JARID2: variants seen among roughly 807,000 people sequenced by gnomAD.
The protein encoded by JARID2 is jumonji and AT-rich interaction domain containing 2.
A neutral mutation model predicts 125.6 loss-of-function variants in JARID2; 21 were observed. That is an observed-to-expected ratio of 0.17 (90% confidence interval 0.12 to 0.24). The LOEUF (loss-of-function observed/expected upper bound fraction) is 0.24. Among genes scored for constraint, JARID2 ranks in the 10% least tolerant of loss-of-function variants. The pLI, the probability that JARID2 is intolerant of heterozygous loss-of-function variation, is 1.00. For synonymous variants in JARID2, 736 were observed against 661.6 expected (o/e 1.11, Z -1.73); for missense variants, 1,303 against 1,639.6 (o/e 0.79, Z 3.55).
chr6:15,259,385 T>C (rs767576444), intron 1 of JARID2, among the ~76,000 whole-genome samples: 3 of 152,094 alleles, frequency 2.0e-5, no homozygotes, highest in Non-Finnish European at 4.4e-5. Context: ...TAATAAGGAG[T>C]CATGGTCTGG....
rs200126074 is a variant in JARID2 at position 15,478,472 on chromosome 6, C to A, written c.671-8835C>A. Among the ~76,000 whole-genome samples the A allele has an allele frequency of 3.8e-4, 58 of 151,146 alleles. No homozygotes were observed. The East Asian group carries it at 6.7e-3, about 17-fold the overall frequency. On this transcript the variant is annotated intron_variant, in intron 5 of 17. Coordinates refer to ENST00000341776, the MANE Select transcript of JARID2 (RefSeq NM_004973.4). The stretch of plus-strand genomic sequence containing the variant: ...TTTTACTTTGAAAATGACCAAGTTG[C>A]CTATAACTTGTATAGTCAATTGTGT...
At chr6:15,380,816 C>A (rs946072960) in intron 2 of JARID2, among the ~76,000 whole-genome samples, 16 of 152,136 alleles carry the variant, frequency 1.1e-4, no homozygotes, top group Non-Finnish European at 1.5e-5. Flanking sequence ...TCACACAAGT[C>A]ATAAAAACGT....
In JARID2 at chr6:15,386,486, A is replaced by ATGTT. The variant is rs142233705; in HGVS notation, c.181+12252_181+12255dup. On this transcript the variant is annotated intron_variant, in intron 2 of 17. Coordinates refer to ENST00000341776, the MANE Select transcript of JARID2 (RefSeq NM_004973.4). ...TCCTTCTCCCTTCAGTACAGTTGACATGTTTGTTTGTTTGTTTGTTTAGAG... is the reference window on the plus strand; with the variant it reads ...TCCTTCTCCCTTCAGTACAGTTGACATGTTTGTTTGTTTGTTTGTTTGTTTAGAG... Among the ~76,000 whole-genome samples the ATGTT allele has an allele frequency of 1.6e-3, 240 of 152,108 alleles. 1 individual carries two copies. Among genetic ancestry groups the ATGTT allele is most frequent in the African/African-American group, 5.2e-3 (214 of 41,494 alleles).
At chr6:15,468,851 A>C in intron 5 of JARID2, 133 bp downstream of exon 5, 1 of 789,594 alleles carries the variant, frequency 1.3e-6, no homozygotes. Context: ...CAGACACTTC[A>C]TGGGCAAAGG....
At chr6:15,465,263 G>A (rs1040398226) in intron 4 of JARID2, among the ~76,000 whole-genome samples, 14 of 152,048 alleles carry the variant, frequency 9.2e-5, no homozygotes, top group Admixed American at 3.3e-4. Context: ...GACAAGCCTC[G>A]GCAATGTAGC....
At chr6:15,448,395 CTTGT>C (rs1011078446) in intron 3 of JARID2, among the ~76,000 whole-genome samples, 2 of 152,080 alleles carry the variant, frequency 1.3e-5, no homozygotes, top group African/African-American at 4.8e-5. Context: ...TCTGTGTTTA[CTTGT>C]TTGTTTCTCA....
At chr6:15,505,139 C>T (rs1478694582) in intron 9 of JARID2, 1 of 152,750 alleles carries the variant, frequency 6.5e-6, no homozygotes, top group African/African-American at 2.4e-5. Flanking sequence ...GAGACCGGAT[C>T]TGTTTATTTA....
At chr6:15,377,909 T>C (rs1483957825) in intron 2 of JARID2, among the ~76,000 whole-genome samples, 1 of 150,398 alleles carries the variant, frequency 6.6e-6, no homozygotes, top group Non-Finnish European at 1.5e-5. Context: ...TTCTTTGAGA[T>C]GGAGTTTCCC....
At chr6:15,339,792 C>G (rs896974488) in intron 1 of JARID2, among the ~76,000 whole-genome samples, 2 of 152,110 alleles carry the variant, frequency 1.3e-5, no homozygotes, top group Admixed American at 1.3e-4. Flanking sequence ...TCGTCGGCCT[C>G]CCAAAGTGGT....
intron 1 of JARID2, among the ~76,000 whole-genome samples, chr6:15,296,335 TA>T (rs1432891543): frequency 6.6e-6 from 1 of 152,194 alleles, no homozygotes; most frequent in Non-Finnish European, 1.5e-5. Flanking sequence ...AGCAAATCAA[TA>T]TAACACGATA....
At chr6:15,256,594 ACTTCACACATCCGGGG>A (rs59287393) in intron 1 of JARID2, among the ~76,000 whole-genome samples, 40,814 of 152,006 alleles carry the variant, frequency 0.27, 5,682 homozygotes, top group South Asian at 0.46. Flanking sequence ...CCACCCATCC[ACTTCACACATCCGGGG>A]CTTCAGCTGA....
At chr6:15,289,430 G>C (rs1761122926) in intron 1 of JARID2, among the ~76,000 whole-genome samples, 1 of 152,094 alleles carries the variant, frequency 6.6e-6, no homozygotes, top group South Asian at 2.1e-4. Context: ...GACAGGTCTT[G>C]CTGTGTTGCC....
intron 1 of JARID2, among the ~76,000 whole-genome samples, chr6:15,326,114 T>C (rs1225270692): frequency 6.6e-6 from 1 of 152,150 alleles, no homozygotes; most frequent in East Asian, 1.9e-4. Flanking sequence ...GTCCTGAAAA[T>C]ATGCAGTACA....
intron 3 of JARID2, among the ~76,000 whole-genome samples, chr6:15,424,543 T>A (rs1766639620): frequency 1.3e-5 from 2 of 152,136 alleles, no homozygotes; most frequent in African/African-American, 4.8e-5. Context: ...TTTTGCAGAG[T>A]GGCTCTGTTG....
At chr6:15,314,388 A>G (rs1311355920) in intron 1 of JARID2, among the ~76,000 whole-genome samples, 1 of 152,248 alleles carries the variant, frequency 6.6e-6, no homozygotes, top group Non-Finnish European at 1.5e-5. Flanking sequence ...CTTCTTGCTT[A>G]TAAATTTACC....
chr6:15,414,152 T>TGAGA (rs1379735497), intron 3 of JARID2, among the ~76,000 whole-genome samples: 1 of 152,150 alleles, frequency 6.6e-6, no homozygotes, highest in Admixed American at 6.5e-5. Context: ...CTGAGAGGGA[T>TGAGA]TGTATGTGCT....
intron 1 of JARID2, among the ~76,000 whole-genome samples, chr6:15,265,366 T>TAA (rs11291217): frequency 7.0e-6 from 1 of 143,270 alleles, no homozygotes. Flanking sequence ...AGGTTTGCAT[T>TAA]AAAAAAAAAA....
chr6:15,252,971 G>A (rs532357300), intron 1 of JARID2, among the ~76,000 whole-genome samples: 2 of 152,266 alleles, frequency 1.3e-5, no homozygotes, highest in South Asian at 2.1e-4. Flanking sequence ...AAGAGTGAGC[G>A]AGATTTTATT....
At chr6:15,417,741 CAA>C (rs542146662) in intron 3 of JARID2, among the ~76,000 whole-genome samples, 1 of 149,396 alleles carries the variant, frequency 6.7e-6, no homozygotes, top group Non-Finnish European at 1.5e-5. Context: ...GACTCTGTCT[CAA>C]AAAAAAACTA....
Sources: allele counts gnomAD v4.1 joint callset (sites outside exome capture counted in the v4.1 genomes callset), GRCh38; gene constraint gnomAD v4.1.1; transcripts MANE v1.5; gene names NCBI Gene and HGNC (gene_info 2026-07-23, HGNC 2026-07-21).